The following CIAO3 variants were observed in gnomAD, a reference collection of about 807,000 sequenced individuals.
The protein encoded by CIAO3 is LET1 like/JFP15.
CIAO3 carries 45 observed loss-of-function variants against 51.5 expected under a neutral mutation model. The observed-to-expected ratio is 0.87, with a 90% CI of 0.69 to 1.12. The LOEUF (loss-of-function observed/expected upper bound fraction) is 1.12. Ranked by LOEUF, CIAO3 falls within the 50% of genes most tolerant of loss-of-function variation. The pLI is 0.00. For missense variants in CIAO3, 668 were observed against 632.5 expected, an observed-to-expected ratio of 1.06 and a Z score of -0.60; for synonymous variants, 314 against 269.3, an observed-to-expected ratio of 1.17 and a Z score of -1.63.
At chr16:740,314 C>A in intron 1 of CIAO3, 1 of 354,338 alleles carries the variant, frequency 2.8e-6, no homozygotes, top group Non-Finnish European at 5.6e-6. Context: ...GCGCCTGCAG[C>A]CTCCCGGGTT....
chr16:731,570 G>T lies in CIAO3; in HGVS notation c.1029C>A (p.Pro343=). 6.4e-7 allele frequency: 1 copy of T among 1,565,994 alleles called. No individual in the cohort carries two copies. Among genetic ancestry groups the T allele is most frequent in the Non-Finnish European group, 8.7e-7 (1 of 1,155,926 alleles). Residue 343 remains proline, a synonymous_variant, in exon 9 of 11, where the codon CCC becomes CCA. Transcript: ENST00000251588. ...ATCTGGCCCATCCCACTGACCTCAGGGGTTTGTAGGTAACCTCAGCCACAT... is the reference window on the plus strand; with the variant it reads ...ATCTGGCCCATCCCACTGACCTCAGTGGTTTGTAGGTAACCTCAGCCACAT... ...GIHVAEVTYK[P]LRNKDFQEVT...
intron 3 of CIAO3, 94 bp from the exon 4 acceptor site, chr16:736,492 G>C (rs1353797250): frequency 1.3e-6 from 2 of 1,511,694 alleles, no homozygotes; most frequent in Non-Finnish European, 1.8e-6. Flanking sequence ...CAGCTGTGGA[G>C]AGGGCAGGCC....
At chr16:732,723 G>A (rs933528194) in intron 7 of CIAO3, 2 of 361,506 alleles carry the variant, frequency 5.5e-6, no homozygotes, top group Non-Finnish European at 1.1e-5. Flanking sequence ...TACGACCTCT[G>A]CCCCCCGGGA....
At chr16:732,237 G>A (rs377046104) in intron 8 of CIAO3, 64 bp downstream of exon 8, 1 of 1,505,120 alleles carries the variant, frequency 6.6e-7, no homozygotes, top group African/African-American at 1.4e-5. Context: ...AGAGCAGGGG[G>A]ATGCTATCCT....
Position 730,225 on chromosome 16 carries a change from A to C in CIAO3, c.*192T>G. ...CACCCCACCCCACCTGGGCAGAGCC[A>C]GTGGGAACCCAGAGGCACCCAACTG... On this transcript the variant is annotated 3_prime_UTR_variant, in exon 11 of 11. Transcript: ENST00000251588. 1.6e-6 allele frequency: 1 copy of C among 618,280 alleles called. No individual in the cohort carries two copies. The highest frequency in any genetic ancestry group is 2.0e-5 in the South Asian group (1 of 51,226). 38.3% of individuals were successfully genotyped at this position (618,280 alleles called of 1,614,324 possible).
In CIAO3 at chr16:730,370, C is replaced by T. The variant is rs773677949; in HGVS notation, c.*47G>A. 6 of 1,559,424 alleles carry T rather than the reference C, an allele frequency of 3.8e-6. No individual in the cohort carries two copies. In the South Asian group the frequency reaches 4.5e-5, roughly 12 times the overall value. On this transcript the variant is annotated 3_prime_UTR_variant, in exon 11 of 11. Coordinates refer to ENST00000251588, the MANE Select transcript of CIAO3 (RefSeq NM_022493.3). Reference sequence around the variant, plus strand: ...TGGGGTCTTGGGGCATGTGGTTCTGCTGTCACACATGGACACGGCCTCCTG... The same window carrying T: ...TGGGGTCTTGGGGCATGTGGTTCTGTTGTCACACATGGACACGGCCTCCTG...
rs1336586587 is a variant in CIAO3 at position 737,992 on chromosome 16, C to T, written c.163-663G>A. ...GTGCTGCAGTGGCCCGGAATACAGC[C>T]AGAGGAGTAAGGCGACTGGGTGGGA... On this transcript the variant is annotated intron_variant, in intron 2 of 10. Coordinates refer to ENST00000251588, the MANE Select transcript of CIAO3 (RefSeq NM_022493.3). The surrounding 1 kb of genome is among the most constrained non-coding windows in gnomAD (Gnocchi z 5.3). The T allele has an allele frequency of 2.6e-6, 3 of 1,153,334 alleles. No individual in the cohort carries two copies. The highest frequency in any genetic ancestry group is 1.4e-4 in the East Asian group (2 of 14,668). 71.4% of individuals were successfully genotyped at this position (1,153,334 alleles called of 1,614,324 possible). A position where few individuals can be genotyped will look rare whatever the true frequency, so the allele number is the denominator to read the frequency against.
At chr16:736,693 C>T (rs1177655848) in intron 3 of CIAO3, among the ~76,000 whole-genome samples, 5 of 151,778 alleles carry the variant, frequency 3.3e-5, no homozygotes, top group Non-Finnish European at 7.4e-5. Context: ...TTGATGGAGT[C>T]TCACTCTATC....
At chr16:732,453 C>A (rs1229265636) in intron 7 of CIAO3, 80 bp from the exon 8 acceptor site, 14 of 1,506,628 alleles carry the variant, frequency 9.3e-6, no homozygotes, top group Non-Finnish European at 1.3e-5. Flanking sequence ...CCACCTGCAT[C>A]CCCAGCAGTC....
intron 6 of CIAO3, 80 bp downstream of exon 6, chr16:734,149 G>A (rs2041313555): frequency 1.5e-5 from 19 of 1,257,942 alleles, no homozygotes; most frequent in Non-Finnish European, 2.0e-5. Context: ...TCTGTTTCCT[G>A]CAGCCTCATG....
chr16:739,911 C>T, intron 1 of CIAO3, 173 bp from the exon 2 acceptor site: 4 of 1,280,962 alleles, frequency 3.1e-6, no homozygotes, highest in Non-Finnish European at 4.3e-6. Context: ...TGCTCTCACC[C>T]AGGGATCGGG....
At chr16:731,952 T>G (rs983001434) in intron 8 of CIAO3, 23 of 546,744 alleles carry the variant, frequency 4.2e-5, no homozygotes, top group Non-Finnish European at 5.1e-5. Context: ...CACTGCAAGC[T>G]CCGCCTCCTG....
intron 6 of CIAO3, chr16:733,652 C>G (rs945893886): frequency 6.8e-6 from 4 of 589,068 alleles, no homozygotes; most frequent in Non-Finnish European, 8.7e-6. Flanking sequence ...TGCCTGCGCT[C>G]CCTAACAGCC....
At chr16:740,803 G>C (rs1460313674) in intron 1 of CIAO3, 117 bp downstream of exon 1, 3 of 1,110,768 alleles carry the variant, frequency 2.7e-6, no homozygotes, top group African/African-American at 1.6e-5. Flanking sequence ...GGCCCAGACC[G>C]GGCTCCCGGG....
intron 10 of CIAO3, 27 bp from the exon 11 acceptor site, chr16:730,682 T>C: frequency 6.3e-7 from 1 of 1,597,408 alleles, no homozygotes; most frequent in East Asian, 2.2e-5. Flanking sequence ...GGGACAGGGG[T>C]CACAGCCTGC....
At position 729,780 on chromosome 16, in the gene CIAO3, G is replaced by A. The variant is rs75772387; in HGVS notation, c.*637C>T. On this transcript the variant is annotated 3_prime_UTR_variant, in exon 11 of 11. Transcript: ENST00000251588. ...TTCGTAGGCGTGTTTTAGGAGGGGT[G>A]CGTTTATTAGACAAACGCTGGGAGA... 3 of 1,252,150 alleles carry A rather than the reference G, an allele frequency of 2.4e-6. No homozygotes were observed. The highest frequency in any genetic ancestry group is 1.5e-5 in the South Asian group (1 of 64,676). 77.6% of individuals were successfully genotyped at this position (1,252,150 alleles called of 1,614,324 possible).
rs2041349392 is a variant in CIAO3 at position 737,318 on chromosome 16, G to A, written c.174C>T (p.Thr58=). The change falls in exon 3 of 11, where the codon ACC becomes ACT. Residue 58 remains threonine (T), a synonymous_variant. Transcript: ENST00000251588. This position sits in a 1 kb window ranked among gnomAD's most constrained non-coding sequence, Gnocchi z 5.3. ...SYFQINQDGG[T]RRLEKAKVSL... Reference sequence around the variant, plus strand: ...AGACCTTGGCCTTCTCCAGCCTCCGGGTCCCGCCGTCCTACAAGGGAGAAG... The same window carrying A: ...AGACCTTGGCCTTCTCCAGCCTCCGAGTCCCGCCGTCCTACAAGGGAGAAG... 1.2e-6 allele frequency: 2 copies of A among 1,613,126 alleles called. No individual in the cohort carries two copies. The highest frequency in any genetic ancestry group is 1.7e-6 in the Non-Finnish European group (2 of 1,180,000).
At position 737,061 on chromosome 16, in the gene CIAO3, A is replaced by G. The variant is rs940087351; in HGVS notation, c.306+125T>C. 3.9e-6 allele frequency: 5 copies of G among 1,281,992 alleles called. No individual in the cohort carries two copies. The highest frequency in any genetic ancestry group is 5.5e-6 in the Non-Finnish European group (5 of 908,952). 79.4% of individuals were successfully genotyped at this position (1,281,992 alleles called of 1,614,324 possible). A position where few individuals can be genotyped will look rare whatever the true frequency, so the allele number is the denominator to read the frequency against. ...CAAATCACCAAGATTCCAAGCCTCA[A>G]AAAGGCAGGCGCCACCCGCACGACG... On this transcript the variant is annotated intron_variant, in intron 3 of 10. Transcript: ENST00000251588. The surrounding 1 kb of genome is among the most constrained non-coding windows in gnomAD (Gnocchi z 5.3).
rs75772387 is a variant in CIAO3 at position 729,780 on chromosome 16, G to C, written c.*637C>G. The C allele has an allele frequency of 2.4e-6, 3 of 1,252,270 alleles. No homozygotes were observed. In the East Asian group the frequency reaches 9.8e-5, roughly 41 times the overall value. 77.6% of individuals were successfully genotyped at this position (1,252,270 alleles called of 1,614,324 possible). A position where few individuals can be genotyped will look rare whatever the true frequency, so the allele number is the denominator to read the frequency against. The stretch of plus-strand genomic sequence containing the variant: ...TTCGTAGGCGTGTTTTAGGAGGGGT[G>C]CGTTTATTAGACAAACGCTGGGAGA... On this transcript the variant is annotated 3_prime_UTR_variant, in exon 11 of 11. Transcript: ENST00000251588.
Sources: allele counts gnomAD v4.1 joint callset (sites outside exome capture counted in the v4.1 genomes callset), GRCh38; gene constraint gnomAD v4.1.1; non-coding constraint Gnocchi (gnomAD v3.1); transcripts MANE v1.5; gene names NCBI Gene and HGNC (gene_info 2026-07-23, HGNC 2026-07-21).